Variants in GRID2 observed in about 807,000 individuals in gnomAD.
GRID2 encodes the protein glutamate receptor ionotropic, delta-2.
GRID2 carries 33 observed loss-of-function variants against 114.8 expected under a neutral mutation model. The ratio of observed to expected loss-of-function variants is 0.29; its 90% CI spans 0.22 to 0.38. The LOEUF (loss-of-function observed/expected upper bound fraction) is 0.38. Ranked by LOEUF, GRID2 falls within the 10% of genes least tolerant of loss-of-function variation. The pLI is 1.00. For synonymous variants in GRID2, 505 were observed against 449.9 expected (o/e 1.12, Z -1.55); for missense variants, 1,184 against 1,257.7 (o/e 0.94, Z 0.89).
At chr4:93,262,347 T>G (rs1750347454) in intron 8 of GRID2, among the ~76,000 whole-genome samples, 1 of 151,904 alleles carries the variant, frequency 6.6e-6, no homozygotes, top group South Asian at 2.1e-4. Context: ...TAAGCCTGTT[T>G]TGAAATAATT....
At chr4:93,137,827 T>C (rs1560918279) in intron 4 of GRID2, among the ~76,000 whole-genome samples, 1 of 152,228 alleles carries the variant, frequency 6.6e-6, no homozygotes, top group East Asian at 1.9e-4. Context: ...TCAAGAGTGA[T>C]GTTTCCAAAA....
At chr4:93,584,938 G>A (rs929486306) in intron 13 of GRID2, among the ~76,000 whole-genome samples, 4 of 152,064 alleles carry the variant, frequency 2.6e-5, no homozygotes, top group African/African-American at 7.2e-5. Context: ...GAGCATTGTC[G>A]TGGTGGAGAA....
intron 4 of GRID2, among the ~76,000 whole-genome samples, chr4:93,159,737 G>A (rs2149406158): frequency 7.1e-6 from 1 of 141,154 alleles, no homozygotes; most frequent in South Asian, 2.2e-4. Context: ...TACTTCTAGA[G>A]ATTAAGTTCT....
intron 2 of GRID2, among the ~76,000 whole-genome samples, chr4:93,067,912 TATTTA>T (rs1316317870): frequency 1.1e-4 from 16 of 152,168 alleles, no homozygotes; most frequent in African/African-American, 3.6e-4. Context: ...AATATTTACA[TATTTA>T]ATTATATGCC....
At chr4:93,650,178 C>A (rs184744518) in intron 14 of GRID2, among the ~76,000 whole-genome samples, 12 of 152,232 alleles carry the variant, frequency 7.9e-5, no homozygotes, top group Non-Finnish European at 1.8e-4. Flanking sequence ...TTATTGCCAA[C>A]TTCCAATGCC....
chr4:92,969,115 G>A (rs972557411), intron 2 of GRID2, among the ~76,000 whole-genome samples: 20 of 151,602 alleles, frequency 1.3e-4, no homozygotes, highest in African/African-American at 4.8e-4. Context: ...GATATACTAT[G>A]TGTAGTTTTG....
chr4:92,378,705 T>C (rs1054671753), intron 1 of GRID2, among the ~76,000 whole-genome samples: 4 of 152,160 alleles, frequency 2.6e-5, no homozygotes, highest in African/African-American at 2.4e-5. Flanking sequence ...TAATTTTTAA[T>C]CAAGTTGAGC....
chr4:93,509,843 T>C (rs1728994889), intron 12 of GRID2, among the ~76,000 whole-genome samples: 1 of 152,166 alleles, frequency 6.6e-6, no homozygotes, highest in African/African-American at 2.4e-5. Context: ...AAATGCTACA[T>C]TTTGGATCAC....
intron 2 of GRID2, among the ~76,000 whole-genome samples, chr4:92,723,607 ACTT>A (rs908822253): frequency 3.7e-4 from 57 of 152,246 alleles, no homozygotes; most frequent in African/African-American, 1.4e-3. Flanking sequence ...TTAGGTAGTT[ACTT>A]CTTTATTTTA....
intron 2 of GRID2, among the ~76,000 whole-genome samples, chr4:92,750,644 A>G (rs1249344953): frequency 1.3e-5 from 2 of 152,184 alleles, no homozygotes; most frequent in African/African-American, 4.8e-5. Context: ...TCCAGCCTGT[A>G]TAATACATTT....
chr4:93,327,940 G>T (rs1221389807), intron 8 of GRID2, among the ~76,000 whole-genome samples: 3 of 152,022 alleles, frequency 2.0e-5, no homozygotes, highest in African/African-American at 7.2e-5. Context: ...TCTCATACCT[G>T]TGCTTCAATA....
At chr4:93,049,820 A>C (rs1726522968) in intron 2 of GRID2, among the ~76,000 whole-genome samples, 1 of 151,954 alleles carries the variant, frequency 6.6e-6, no homozygotes, top group African/African-American at 2.4e-5. Flanking sequence ...AGTATTTCAA[A>C]ATGCTACAGT....
chr4:92,546,121 C>T (rs1436667360), intron 1 of GRID2, among the ~76,000 whole-genome samples: 5 of 152,114 alleles, frequency 3.3e-5, no homozygotes, highest in Non-Finnish European at 5.9e-5. Flanking sequence ...TTATCTGGCA[C>T]AGTTAATTTA....
At chr4:92,972,874 C>G (rs1440009400) in intron 2 of GRID2, among the ~76,000 whole-genome samples, 1 of 151,950 alleles carries the variant, frequency 6.6e-6, no homozygotes, top group Non-Finnish European at 1.5e-5. Context: ...TTTGCTGTTC[C>G]TGTGTTAGTT....
chr4:92,635,585 C>A (rs921902975), intron 2 of GRID2, among the ~76,000 whole-genome samples: 1 of 151,512 alleles, frequency 6.6e-6, no homozygotes, highest in African/African-American at 2.4e-5. Flanking sequence ...TTTTCAAATT[C>A]TTGTGGAATT....
chr4:92,950,284 C>T (rs1751931454), intron 2 of GRID2, among the ~76,000 whole-genome samples: 1 of 152,140 alleles, frequency 6.6e-6, no homozygotes, highest in Non-Finnish European at 1.5e-5. Context: ...TCTCCCTGAC[C>T]TGAATCGATC....
At chr4:92,862,344 G>A (rs1031003912) in intron 2 of GRID2, among the ~76,000 whole-genome samples, 1 of 151,972 alleles carries the variant, frequency 6.6e-6, no homozygotes, top group East Asian at 1.9e-4. Context: ...TTACTATAAC[G>A]TGAAAATTCT....
chr4:92,384,673 A>ATT (rs1223290262), intron 1 of GRID2, among the ~76,000 whole-genome samples: 1 of 111,304 alleles, frequency 9.0e-6, no homozygotes, highest in Non-Finnish European at 1.8e-5. Flanking sequence ...ATATACATAT[A>ATT]TTATATATAT....
At chr4:93,100,337 A>G (rs1484775485) in intron 3 of GRID2, among the ~76,000 whole-genome samples, 2 of 151,940 alleles carry the variant, frequency 1.3e-5, no homozygotes, top group Admixed American at 6.6e-5. Flanking sequence ...CTAGTATAGC[A>G]TATAATTATC....
Sources: allele counts gnomAD v4.1 joint callset (sites outside exome capture counted in the v4.1 genomes callset), GRCh38; gene constraint gnomAD v4.1.1; transcripts MANE v1.5; gene names NCBI Gene and HGNC (gene_info 2026-07-23, HGNC 2026-07-21).